Variants in EIF3A observed in about 807,000 individuals in gnomAD.
The protein encoded by EIF3A is EIF3, p180 subunit.
In EIF3A, 21 loss-of-function variants were observed where a neutral mutation model predicts 186.6. The observed-to-expected ratio is 0.11, with a 90% CI of 0.08 to 0.16. The LOEUF is 0.16. Ranked by LOEUF, EIF3A falls within the 10% of genes least tolerant of loss-of-function variation. EIF3A has a pLI of 1.00. For missense variants in EIF3A, 1,306 were observed against 1,796.3 expected (o/e 0.73, Z 4.93); for synonymous variants, 563 against 584.3 (o/e 0.96, Z 0.52).
intron 9 of EIF3A, 78 bp from the exon 10 acceptor site, chr10:119,059,796 TG>T (rs1843853228): frequency 2.1e-6 from 2 of 938,828 alleles, no homozygotes; most frequent in Non-Finnish European, 3.5e-6. Flanking sequence ...ATGACAGTCA[TG>T]GGAAGTAGAA....
chr10:119,060,448 G>A (rs1843866823), intron 9 of EIF3A, among the ~76,000 whole-genome samples: 1 of 151,920 alleles, frequency 6.6e-6, no homozygotes, highest in Non-Finnish European at 1.5e-5. Context: ...AGGAATACAG[G>A]TTTTCATCAA....
intron 1 of EIF3A, among the ~76,000 whole-genome samples, chr10:119,080,136 G>A (rs1385440571): frequency 1.3e-5 from 2 of 152,232 alleles, no homozygotes; most frequent in African/African-American, 2.4e-5. Flanking sequence ...GCTGCGGGAA[G>A]GCCGGGGGTG....
intron 6 of EIF3A, among the ~76,000 whole-genome samples, chr10:119,068,187 C>A (rs1844009912): frequency 6.6e-6 from 1 of 152,066 alleles, no homozygotes; most frequent in Admixed American, 6.6e-5. Flanking sequence ...GAAGACTATG[C>A]CTTCGGGGCT....
intron 20 of EIF3A, 120 bp downstream of exon 20, chr10:119,038,118 T>C (rs1255023869): frequency 1.1e-5 from 9 of 843,690 alleles, no homozygotes; most frequent in Admixed American, 4.1e-5. Flanking sequence ...GGTTTCACTA[T>C]GTTGGCCAGG....
At chr10:119,061,122 C>T (rs933645372) in intron 8 of EIF3A, 102 bp downstream of exon 8, 1 of 625,196 alleles carries the variant, frequency 1.6e-6, no homozygotes, top group African/African-American at 1.9e-5. Context: ...TGAATTCCAA[C>T]ACATAGGACA....
intron 14 of EIF3A, among the ~76,000 whole-genome samples, chr10:119,051,892 T>C (rs1194830572): frequency 2.0e-5 from 3 of 152,218 alleles, no homozygotes; most frequent in African/African-American, 4.8e-5. Context: ...AAAAATACTT[T>C]ATTGCTAAAA....
chr10:119,067,956 G>A (rs184949743), intron 6 of EIF3A, among the ~76,000 whole-genome samples: 35 of 152,122 alleles, frequency 2.3e-4, no homozygotes, highest in Admixed American at 6.5e-4. Context: ...GATTACAGGC[G>A]TGCACCACCA....
intron 6 of EIF3A, among the ~76,000 whole-genome samples, chr10:119,066,302 A>C (rs1179162892): frequency 1.3e-5 from 2 of 151,770 alleles, no homozygotes; most frequent in African/African-American, 2.4e-5. Context: ...TGAGGTCACG[A>C]GTTCCAGACC....
In EIF3A at chr10:119,034,364, C is replaced by G. The variant is rs1848099285; in HGVS notation, c.*1675G>C. The G allele has an allele frequency of 6.2e-6, 1 of 161,624 alleles. No homozygotes were observed. Among genetic ancestry groups the G allele is most frequent in the South Asian group, 2.1e-4 (1 of 4,830 alleles). The allele number at this position is 161,624 out of a possible 1,614,324, so 10.0% of individuals were successfully genotyped here. A position where few individuals can be genotyped will look rare whatever the true frequency, so the allele number is the denominator to read the frequency against. ...GCAGCAGTAACTCGTCTGAACAAAT[C>G]TGATTAAATAAATTCTTGGGGCTTA... On this transcript the variant is annotated 3_prime_UTR_variant, in exon 22 of 22. Coordinates refer to ENST00000369144, the MANE Select transcript of EIF3A (RefSeq NM_003750.4).
rs760875109 is a variant in EIF3A at position 119,056,833 on chromosome 10, G to C, written c.2103C>G (p.Ala701=). ...TCAAAGGAATTTCTTCCAAACGTTT[G>C]GCTCTTTCAAAATAGTCAATCTGAA... ...QEKKIDYFER[A]KRLEEIPLIK... The change falls in exon 14 of 22, where the codon GCC becomes GCG. Residue 701 remains alanine, a synonymous_variant. Coordinates refer to ENST00000369144, the MANE Select transcript of EIF3A (RefSeq NM_003750.4). 4 of 1,613,162 alleles carry C rather than the reference G, an allele frequency of 2.5e-6. No individual in the cohort carries two copies. In the Admixed American group the frequency reaches 6.7e-5, roughly 27 times the overall value.
chr10:119,057,150 G>C, intron 12 of EIF3A, 110 bp from the exon 13 acceptor site: 1 of 640,452 alleles, frequency 1.6e-6, no homozygotes. Flanking sequence ...TGTTACAATG[G>C]GTGATAATTT....
rs1237708644 is a variant in EIF3A at position 119,036,282 on chromosome 10, T to A, written c.3920-14A>T. On this transcript the variant is annotated splice_polypyrimidine_tract_variant and intron_variant, in intron 21 of 21. Coordinates refer to ENST00000369144, the MANE Select transcript of EIF3A (RefSeq NM_003750.4). ...TCCAAGAACTTACTAAAAAGTTTAA[T>A]TAAAAAAAAAAAATTAAGTTAGTAC... The A allele has an allele frequency of 5.1e-6, 8 of 1,567,116 alleles. No homozygotes were observed. The Admixed American group carries it at 9.4e-5, about 18-fold the overall frequency.
intron 1 of EIF3A, among the ~76,000 whole-genome samples, chr10:119,078,748 C>T (rs1844214339): frequency 6.6e-6 from 1 of 152,156 alleles, no homozygotes; most frequent in African/African-American, 2.4e-5. Flanking sequence ...AATTTCAGAT[C>T]CTTTCCTTAA....
intron 19 of EIF3A, among the ~76,000 whole-genome samples, chr10:119,040,566 C>T (rs564423948): frequency 3.9e-5 from 6 of 152,254 alleles, no homozygotes; most frequent in South Asian, 2.1e-4. Context: ...GTGTGCAGTA[C>T]GCAGAAATTA....
chr10:119,042,401 C>T lies in EIF3A; in HGVS notation c.3119G>A (p.Arg1040His), dbSNP rs1848221976. Residue 1040 changes from arginine (R) to histidine (H), a missense_variant, in exon 19 of 22, where the codon CGT becomes CAT. This residue lies in a region of EIF3A where 410 missense variants were observed against 473.5 expected (regional missense o/e 0.87). Transcript: ENST00000369144. This position sits in a 1 kb window ranked among gnomAD's most constrained non-coding sequence, Gnocchi z 7.8. Reference protein sequence around the residue: ...RTADEDRGPRRGMDDDRGPRR... With the variant: ...RTADEDRGPRHGMDDDRGPRR... ...CGGCCCCCGGTCATCATCCATCCCA[C>T]GTCTTGGTCCTCTGTCCTCATCAGC... 4 of 1,614,192 alleles carry T rather than the reference C, an allele frequency of 2.5e-6. No homozygotes were observed. The highest frequency in any genetic ancestry group is 3.4e-6 in the Non-Finnish European group (4 of 1,180,028).
chr10:119,038,433 C>A lies in EIF3A; in HGVS notation c.3533G>T (p.Trp1178Leu). Residue 1178 changes from tryptophan (W) to leucine (L), a missense_variant, in exon 20 of 22, where the codon TGG becomes TTG. This residue lies in a region of EIF3A where 331 missense variants were observed against 365.8 expected (regional missense o/e 0.90). Coordinates refer to ENST00000369144, the MANE Select transcript of EIF3A (RefSeq NM_003750.4). The part of the protein sequence containing the change: ...PWRPLVKPGG[W>L]REKEKAREES... Reference sequence around the variant, plus strand: ...CTCTCTGGCTTTTTCTTTCTCTCTCCATCCACCTGTTTTTTTGAAAAAGCA... The same window carrying A: ...CTCTCTGGCTTTTTCTTTCTCTCTCAATCCACCTGTTTTTTTGAAAAAGCA... 1 of 1,598,506 alleles carries A rather than the reference C, an allele frequency of 6.3e-7. No homozygotes were observed. Among genetic ancestry groups the A allele is most frequent in the Non-Finnish European group, 8.5e-7 (1 of 1,175,514 alleles).
Position 119,037,196 on chromosome 10 carries a change from C to T in EIF3A, c.3842G>A (p.Arg1281His), listed in dbSNP as rs758996792. 11 of 1,613,766 alleles carry T rather than the reference C, an allele frequency of 6.8e-6. No individual in the cohort carries two copies. Among genetic ancestry groups the T allele is most frequent in the African/African-American group, 4.0e-5 (3 of 74,816 alleles). The change falls in exon 21 of 22, where the codon CGT becomes CAT. Residue 1281 changes from arginine to histidine, a missense_variant. Arg to His is a conservative substitution (Grantham distance 29). Transcript: ENST00000369144. ...DDRRRERDDRRDLRERRDLRD... is the reference protein window; with the variant it reads ...DDRRRERDDRHDLRERRDLRD... Reference sequence around the variant, plus strand: ...TAGATCTCGTCTTTCTCTTAGATCACGCCGGTCATCCCTCTCACGGCGACG... The same window carrying T: ...TAGATCTCGTCTTTCTCTTAGATCATGCCGGTCATCCCTCTCACGGCGACG...
In EIF3A at chr10:119,053,607, C is replaced by T. The variant is rs551767796; in HGVS notation, c.2197-2286G>A. 2.2e-3 allele frequency among the ~76,000 whole-genome samples: 325 copies of T among 149,450 alleles called. 2 individuals carry two copies. Among genetic ancestry groups the T allele is most frequent in the African/African-American group, 7.6e-3 (309 of 40,632 alleles). ...AGGCATGGTGGTGCATGCCTGTGGTCGCAGCTACTCAGGAGGCTGAAGTGG... is the reference window on the plus strand; with the variant it reads ...AGGCATGGTGGTGCATGCCTGTGGTTGCAGCTACTCAGGAGGCTGAAGTGG... On this transcript the variant is annotated intron_variant, in intron 14 of 21. Transcript: ENST00000369144.
rs117046805 is a variant in EIF3A, at chr10:119,054,200, C to T, written c.2196+2540G>A. 2.6e-3 allele frequency among the ~76,000 whole-genome samples: 403 copies of T among 152,088 alleles called. 10 individuals carry two copies. In the East Asian group the frequency reaches 0.061, roughly 23 times the overall value. On this transcript the variant is annotated intron_variant, in intron 14 of 21. Coordinates refer to ENST00000369144, the MANE Select transcript of EIF3A (RefSeq NM_003750.4). Reference sequence around the variant, plus strand: ...CCTCCCAAAGTGCTTATATTACAGACGTGAGCCACCAGGCCTGGCCTTCTG... The same window carrying T: ...CCTCCCAAAGTGCTTATATTACAGATGTGAGCCACCAGGCCTGGCCTTCTG...
Sources: gnomAD v4.1 joint callset for allele counts (sites outside exome capture counted in the v4.1 genomes callset) on GRCh38, gnomAD v4.1.1 for gene constraint, gnomAD v4.1.1 regional missense constraint, Gnocchi (gnomAD v3.1) non-coding constraint, MANE v1.5 for transcripts, NCBI Gene and HGNC (gene_info 2026-07-23, HGNC 2026-07-21) for gene names.